Variants in STK10 observed in about 807,000 individuals in gnomAD.
STK10 encodes the protein serine/threonine kinase 10.
STK10 carries 78 observed loss-of-function variants against 113.8 expected under a neutral mutation model. That is an observed-to-expected ratio of 0.69 (90% CI 0.57 to 0.83). The LOEUF is 0.83. Ranked by LOEUF, STK10 falls within the 40% of genes least tolerant of loss-of-function variation. The pLI is 0.00. For synonymous variants in STK10, 465 were observed against 494.7 expected (o/e 0.94, Z 0.80); for missense variants, 1,109 against 1,280.1 (o/e 0.87, Z 2.04).
At chr5:172,096,321 T>C (rs1768852681) in intron 8 of STK10, 105 bp downstream of exon 8, 1 of 1,531,540 alleles carries the variant, frequency 6.5e-7, no homozygotes, top group African/African-American at 1.4e-5. Context: ...GGCAATAAAT[T>C]GCCTGAGCCA....
intron 12 of STK10, among the ~76,000 whole-genome samples, chr5:172,079,075 CT>C (rs1768374765): frequency 6.6e-6 from 1 of 152,120 alleles, no homozygotes; most frequent in African/African-American, 2.4e-5. Context: ...CCTGAATGTA[CT>C]TCTCATTTAA....
intron 1 of STK10, among the ~76,000 whole-genome samples, chr5:172,182,550 A>AT (rs774193068): frequency 0.22 from 24,115 of 107,470 alleles, 4,253 homozygotes; most frequent in African/African-American, 0.48. Flanking sequence ...TGCCCAGCTC[A>AT]TTTTTTTTTT....
intron 7 of STK10, among the ~76,000 whole-genome samples, chr5:172,099,213 C>A (rs1028031351): frequency 1.3e-5 from 2 of 152,066 alleles, no homozygotes; most frequent in African/African-American, 4.8e-5. Context: ...CCACCATCAC[C>A]CCCGTCAGCA....
At chr5:172,171,744 T>C (rs575519335) in intron 1 of STK10, among the ~76,000 whole-genome samples, 1 of 152,136 alleles carries the variant, frequency 6.6e-6, no homozygotes, top group African/African-American at 2.4e-5. Context: ...TAGAATAGAA[T>C]AGAATAGAAT....
At chr5:172,115,044 T>G (rs990082731) in intron 4 of STK10, 1 of 152,172 alleles carries the variant, frequency 6.6e-6, no homozygotes, top group Non-Finnish European at 1.5e-5. Context: ...GCAGGGTAGG[T>G]AGACCGCAAT....
intron 1 of STK10, among the ~76,000 whole-genome samples, chr5:172,172,780 G>C (rs2113835116): frequency 6.6e-6 from 1 of 152,238 alleles, no homozygotes; most frequent in East Asian, 1.9e-4. Context: ...AGGAGTTCAA[G>C]ACCAGCCTGG....
chr5:172,057,785 A>T (rs945224711), intron 14 of STK10, among the ~76,000 whole-genome samples: 6 of 152,116 alleles, frequency 3.9e-5, no homozygotes, highest in African/African-American at 1.2e-4. Context: ...AGGAATGGAG[A>T]GGTTCTCTAG....
At chr5:172,096,364 G>GCAGGGC in intron 8 of STK10, 62 bp downstream of exon 8, 1 of 1,592,186 alleles carries the variant, frequency 6.3e-7, no homozygotes, top group Non-Finnish European at 8.5e-7. Flanking sequence ...TCCCACACCA[G>GCAGGGC]CAGGGCCAGC....
rs1176110444 is a variant in STK10, at chr5:172,055,678, ACTC to A, written c.2433_2435del (p.Arg811del). ...ACATGGCCATGCGCGTCTTGCCCTC[ACTC>A]CTCTGGATCTTGGGCAGCCGCGCCT... On this transcript the variant is annotated inframe_deletion, in exon 16 of 19. Transcript: ENST00000176763. The A allele has an allele frequency of 6.3e-7, 1 of 1,583,078 alleles. No individual in the cohort carries two copies. The highest frequency in any genetic ancestry group is 1.8e-5 in the Admixed American group (1 of 56,094).
At chr5:172,174,994 GT>G (rs1297407922) in intron 1 of STK10, among the ~76,000 whole-genome samples, 1 of 152,308 alleles carries the variant, frequency 6.6e-6, no homozygotes, top group African/African-American at 2.4e-5. Context: ...GGTATAGCCT[GT>G]TTTTTCTTGT....
In STK10 at chr5:172,133,729, T is replaced by C. The variant is rs1350287762; in HGVS notation, c.322-6308A>G. Among the ~76,000 whole-genome samples, 1 of 152,212 alleles carries C rather than the reference T, an allele frequency of 6.6e-6. No homozygotes were observed. Among genetic ancestry groups the C allele is most frequent in the African/African-American group, 2.4e-5 (1 of 41,452 alleles). Reference sequence around the variant, plus strand: ...ACAGGAAAACGGAGAACAAGCCTGCTCCCTACTGACTTTTTAGGCAGAATA... The same window carrying C: ...ACAGGAAAACGGAGAACAAGCCTGCCCCCTACTGACTTTTTAGGCAGAATA... On this transcript the variant is annotated intron_variant, in intron 2 of 18. Transcript: ENST00000176763. The surrounding 1 kb of genome is among the most constrained non-coding windows in gnomAD (Gnocchi z 4.9).
chr5:172,062,000 G>C (rs112629511), intron 13 of STK10, among the ~76,000 whole-genome samples: 1,696 of 147,702 alleles, frequency 0.011, 35 homozygotes, highest in African/African-American at 0.04. Flanking sequence ...TTTTTTGAGA[G>C]AGAGTCTCGC....
At chr5:172,072,359 C>T (rs113360165) in intron 12 of STK10, among the ~76,000 whole-genome samples, 3,567 of 152,150 alleles carry the variant, frequency 0.023, 157 homozygotes, top group African/African-American at 0.08. Context: ...ATCCGCCTAC[C>T]GGGTTCATGC....
intron 1 of STK10, among the ~76,000 whole-genome samples, chr5:172,160,868 T>C (rs940899996): frequency 1.3e-5 from 2 of 152,150 alleles, no homozygotes; most frequent in Non-Finnish European, 2.9e-5. Flanking sequence ...ATCAGGATCC[T>C]CTAACGTCAA....
chr5:172,102,822 A>G (rs1769019718), intron 7 of STK10, among the ~76,000 whole-genome samples: 1 of 151,894 alleles, frequency 6.6e-6, no homozygotes. Context: ...AAAATGTTAC[A>G]TACAAAATCT....
intron 7 of STK10, among the ~76,000 whole-genome samples, chr5:172,100,891 T>C (rs575746182): frequency 2.1e-4 from 32 of 152,264 alleles, no homozygotes; most frequent in African/African-American, 7.7e-4. Flanking sequence ...TCCCTCCCTC[T>C]CTCTTTCATT....
Position 172,044,612 on chromosome 5 carries a change from CCTTCCAGCTTGAAGGGATCTG to C in STK10, c.*249_*269del. On this transcript the variant is annotated 3_prime_UTR_variant, in exon 19 of 19. Transcript: ENST00000176763. This position sits in a 1 kb window ranked among gnomAD's most constrained non-coding sequence, Gnocchi z 4.5. ...CCCTGACCCCACCAACAGCCCCATC[CCTTCCAGCTTGAAGGGATCTG>C]GGGCTCAAGGAGAATATACATTAGG... 1 of 530,398 alleles carries C rather than the reference CCTTCCAGCTTGAAGGGATCTG, an allele frequency of 1.9e-6. No individual in the cohort carries two copies. The allele number at this position is 530,398 out of a possible 1,614,324, so 32.9% of individuals were successfully genotyped here.
At chr5:172,094,083 A>G in intron 8 of STK10, 123 bp from the exon 9 acceptor site, 1 of 664,414 alleles carries the variant, frequency 1.5e-6, no homozygotes, top group South Asian at 6.2e-5. Context: ...AAGAAAGGAG[A>G]GCAGATATCT....
Position 172,044,767 on chromosome 5 carries a change from AT to A in STK10, c.*114del. On this transcript the variant is annotated 3_prime_UTR_variant, in exon 19 of 19. Transcript: ENST00000176763. This position sits in a 1 kb window ranked among gnomAD's most constrained non-coding sequence, Gnocchi z 4.5. Reference sequence around the variant, plus strand: ...GGGGTGGCACAGGGCGAGGGGCTGGATTTGAGCTGGCACAGACGCAAGAGGG... The same window carrying A: ...GGGGTGGCACAGGGCGAGGGGCTGGATTGAGCTGGCACAGACGCAAGAGGG... The A allele has an allele frequency of 1.9e-6, 3 of 1,564,780 alleles. No homozygotes were observed. Among genetic ancestry groups the A allele is most frequent in the African/African-American group, 1.3e-5 (1 of 74,178 alleles).
Sources: gnomAD v4.1 joint callset for allele counts (sites outside exome capture counted in the v4.1 genomes callset) on GRCh38, gnomAD v4.1.1 for gene constraint, Gnocchi (gnomAD v3.1) non-coding constraint, MANE v1.5 for transcripts, NCBI Gene and HGNC (gene_info 2026-07-23, HGNC 2026-07-21) for gene names.